The following SPMIP2 variants were observed in gnomAD, a reference collection of about 807,000 sequenced individuals.
SPMIP2 encodes the protein protein SPMIP2.
the SPMIP2 span, among the ~76,000 whole-genome samples, chr4:158,955,314 AG>A: frequency 2.4e-3 from 370 of 152,302 alleles, 1 homozygote; most frequent in African/African-American, 8.7e-3. Context: ...TTAGATTCTG[AG>A]CGCTTAGCAC....
chr4:159,072,960 GTT>G, the SPMIP2 span, among the ~76,000 whole-genome samples: 3 of 152,032 alleles, frequency 2.0e-5, no homozygotes, highest in African/African-American at 7.2e-5. Context: ...CTTTTCAAAG[GTT>G]TTGTTAGTCT....
chr4:158,914,710 TTTTAC>T, the SPMIP2 span, among the ~76,000 whole-genome samples: 1 of 152,214 alleles, frequency 6.6e-6, no homozygotes, highest in Non-Finnish European at 1.5e-5. Context: ...AAAATCCCCA[TTTTAC>T]TTATAAAAAC....
chr4:159,082,449 CTGTGTGTGTGTGTGTGTG>C, the SPMIP2 span, among the ~76,000 whole-genome samples: 11 of 111,662 alleles, frequency 9.9e-5, no homozygotes, highest in East Asian at 2.2e-3. Context: ...CCACTTTTCT[CTGTGTGTGTGTGTGTGTG>C]TGTGTGTGTG....
the SPMIP2 span, among the ~76,000 whole-genome samples, chr4:158,974,319 A>G: frequency 6.6e-5 from 10 of 152,176 alleles, no homozygotes; most frequent in African/African-American, 2.2e-4. Context: ...TGAATTTTTT[A>G]TTATGATACT....
chr4:158,953,623 C>G, the SPMIP2 span, among the ~76,000 whole-genome samples: 27 of 152,196 alleles, frequency 1.8e-4, no homozygotes, highest in Non-Finnish European at 3.2e-4. Flanking sequence ...GGTAAATCCA[C>G]TGACAGCTTG....
chr4:159,041,675 G>T, the SPMIP2 span, among the ~76,000 whole-genome samples: 1 of 152,232 alleles, frequency 6.6e-6, no homozygotes, highest in South Asian at 2.1e-4. Flanking sequence ...TGTTGTGGAT[G>T]TCAAAAGCCC....
At chr4:158,912,673 A>G in the SPMIP2 span, among the ~76,000 whole-genome samples, 3 of 152,198 alleles carry the variant, frequency 2.0e-5, no homozygotes, top group Non-Finnish European at 4.4e-5. Flanking sequence ...TTTTCCCTAA[A>G]GAGGATTCAT....
At chr4:158,927,229 C>A in the SPMIP2 span, among the ~76,000 whole-genome samples, 1,213 of 152,166 alleles carry the variant, frequency 8.0e-3, 4 homozygotes, top group Non-Finnish European at 0.012. Flanking sequence ...GATCTGGAGA[C>A]TCTTAAAAAT....
the SPMIP2 span, chr4:158,895,740 G>C: frequency 6.4e-7 from 1 of 1,550,726 alleles, no homozygotes; most frequent in East Asian, 2.2e-5. Context: ...GAATGTTCTT[G>C]GCTTTGCAGT....
the SPMIP2 span, among the ~76,000 whole-genome samples, chr4:158,918,942 T>C: frequency 6.6e-6 from 1 of 152,220 alleles, no homozygotes; most frequent in East Asian, 1.9e-4. Flanking sequence ...TACAACATTC[T>C]TACTATTTAA....
the SPMIP2 span, among the ~76,000 whole-genome samples, chr4:158,908,428 G>A: frequency 6.6e-6 from 1 of 152,188 alleles, no homozygotes; most frequent in Non-Finnish European, 1.5e-5. Flanking sequence ...CATGATTTTT[G>A]TATATAATGC....
At chr4:159,076,660 C>T in the SPMIP2 span, among the ~76,000 whole-genome samples, 3 of 151,924 alleles carry the variant, frequency 2.0e-5, no homozygotes, top group Non-Finnish European at 4.4e-5. Flanking sequence ...ACAATTTTTT[C>T]CTTCTTTTCT....
At chr4:159,052,389 C>T in the SPMIP2 span, among the ~76,000 whole-genome samples, 1 of 151,916 alleles carries the variant, frequency 6.6e-6, no homozygotes, top group Non-Finnish European at 1.5e-5. Flanking sequence ...ACAACAACAA[C>T]AACAACCAGC....
At chr4:159,081,038 C>CT in the SPMIP2 span, among the ~76,000 whole-genome samples, 432 of 118,396 alleles carry the variant, frequency 3.6e-3, 4 homozygotes, top group East Asian at 5.0e-3. Flanking sequence ...GTTTCTTTCT[C>CT]TTTTTTTTTT....
chr4:158,968,070 C>A, the SPMIP2 span, among the ~76,000 whole-genome samples: 1 of 152,206 alleles, frequency 6.6e-6, no homozygotes, highest in Non-Finnish European at 1.5e-5. Context: ...CACTCTGTCA[C>A]CCAGGCTGGA....
chr4:158,990,424 A>G, the SPMIP2 span, among the ~76,000 whole-genome samples: 2 of 152,206 alleles, frequency 1.3e-5, no homozygotes, highest in African/African-American at 4.8e-5. Flanking sequence ...AGACACATGC[A>G]CACGTATGGT....
At chr4:159,011,938 C>T in the SPMIP2 span, among the ~76,000 whole-genome samples, 2 of 151,418 alleles carry the variant, frequency 1.3e-5, no homozygotes, top group Non-Finnish European at 2.9e-5. Context: ...TGGTGTGCAC[C>T]TGTAATACTT....
chr4:159,056,677 G>C, the SPMIP2 span, among the ~76,000 whole-genome samples: 2 of 152,172 alleles, frequency 1.3e-5, no homozygotes, highest in Admixed American at 1.3e-4. Context: ...AGCTGGAAAG[G>C]CTTCCTATGT....
At chr4:159,067,799 A>C in the SPMIP2 span, among the ~76,000 whole-genome samples, 1 of 152,190 alleles carries the variant, frequency 6.6e-6, no homozygotes. Flanking sequence ...TAATGAACTC[A>C]AACAAATGTA....
Sources: allele counts gnomAD v4.1 joint callset (sites outside exome capture counted in the v4.1 genomes callset), GRCh38; gene constraint gnomAD v4.1.1; transcripts MANE v1.5; gene names NCBI Gene and HGNC (gene_info 2026-07-23, HGNC 2026-07-21).